Variants in VWCE observed in about 807,000 individuals in gnomAD.
VWCE encodes von Willebrand factor C and EGF domain-containing protein.
VWCE carries 68 observed loss-of-function variants against 102.9 expected under a neutral mutation model. That is an observed-to-expected ratio of 0.66 (90% CI 0.54 to 0.81). VWCE has a LOEUF of 0.81. VWCE is among the 30% of genes least tolerant of loss of function. The pLI is 0.00. For missense variants in VWCE, 1,137 were observed against 1,263.6 expected, an observed-to-expected ratio of 0.90 and a Z score of 1.52; for synonymous variants, 497 against 515.4, an observed-to-expected ratio of 0.96 and a Z score of 0.48.
At chr11:61,279,801 C>T (rs1490040827) in intron 9 of VWCE, among the ~76,000 whole-genome samples, 3 of 152,162 alleles carry the variant, frequency 2.0e-5, no homozygotes, top group Non-Finnish European at 4.4e-5. Context: ...ACATGGCTCA[C>T]TGCAGCCTCG....
rs190973465 is a variant in VWCE, at chr11:61,271,457, T to A, written c.1785+218A>T. 1,261 of 469,996 alleles carry A rather than the reference T, an allele frequency of 2.7e-3. 15 individuals are homozygous for A. The highest frequency in any genetic ancestry group is 0.023 in the African/African-American group (1,179 of 50,348). 29.1% of individuals were successfully genotyped at this position (469,996 alleles called of 1,614,324 possible). On this transcript the variant is annotated intron_variant, in intron 14 of 19. Coordinates refer to ENST00000335613, the MANE Select transcript of VWCE (RefSeq NM_152718.2). ...ACCGCACCTGGCCAACAATACACAC[T>A]TCTTAAGGCCAACTGCCAAGCACCA...
rs11230654 is a variant in VWCE at position 61,274,568 on chromosome 11, G to A, written c.1512C>T (p.His504=). 0.011 allele frequency: 17,866 copies of A among 1,613,782 alleles called. 908 individuals are homozygous for A. The African/African-American group carries it at 0.14, about 12-fold the overall frequency. ...CTCVPVRCYF[H]GRWYADGAVF... is the part of the protein sequence containing the mutation. ...CAGCCCCGTCTGCGTACCACCGGCC[G>A]TGGAAATAGCATCTCACTGCAGAGG... The change falls in exon 12 of 20, where the codon CAC becomes CAT. Residue 504 remains histidine, a synonymous_variant. Transcript: ENST00000335613.
chr11:61,293,755 G>A (rs1855586727), intron 1 of VWCE, among the ~76,000 whole-genome samples: 1 of 152,180 alleles, frequency 6.6e-6, no homozygotes, highest in Non-Finnish European at 1.5e-5. Context: ...CGTGTTCTTG[G>A]GGAGAAAAAT....
At chr11:61,276,409 CAA>C (rs562474115) in intron 11 of VWCE, among the ~76,000 whole-genome samples, 182 bp downstream of exon 11, 5 of 136,896 alleles carry the variant, frequency 3.7e-5, no homozygotes, top group Admixed American at 1.5e-4. Flanking sequence ...GTCTCCCTCT[CAA>C]AAAAAAAAAA....
In VWCE at chr11:61,258,882, C is replaced by T; in HGVS notation, c.2661G>A (p.Trp887Ter). The T allele has an allele frequency of 6.6e-7, 1 of 1,520,130 alleles. No individual in the cohort carries two copies. The highest frequency in any genetic ancestry group is 8.8e-7 in the Non-Finnish European group (1 of 1,136,256). 94.2% of individuals were successfully genotyped at this position (1,520,130 alleles called of 1,614,324 possible). Residue 887 changes from tryptophan to a stop codon, truncating the protein, a stop_gained, in exon 20 of 20, where the codon TGG becomes TGA. Transcript: ENST00000335613. LOFTEE classifies it low-confidence loss of function (END_TRUNC). ...TCAGGAGGGTGCCAGGCAGAGGAGGCCACCTGGACACTATCTGGGCCCCAG... is the reference window on the plus strand; with the variant it reads ...TCAGGAGGGTGCCAGGCAGAGGAGGTCACCTGGACACTATCTGGGCCCCAG... ...SASGAQIVSR[W>*]PPLPGTLLTE...
At chr11:61,263,088 C>T (rs766243566) in intron 19 of VWCE, among the ~76,000 whole-genome samples, 5 of 152,324 alleles carry the variant, frequency 3.3e-5, no homozygotes, top group South Asian at 2.1e-4. Flanking sequence ...GGGTGGATCA[C>T]TTGAGGTCAG....
chr11:61,258,947 G>A lies in VWCE; in HGVS notation c.2596C>T (p.Gln866Ter), dbSNP rs61729958. Reference protein sequence around the residue: ...TLPLASPGAPQPPPVTPERSF... With the variant: ...TLPLASPGAP ...CGCTCTGGAGTCACAGGAGGTGGCT[G>A]AGGAGCCCCTGGGGAAGCTAGAGGT... The change falls in exon 20 of 20, where the codon CAG (glutamine) becomes TAG (stop). Residue 866 changes from glutamine to a stop codon, truncating the protein, a stop_gained. Coordinates refer to ENST00000335613, the MANE Select transcript of VWCE (RefSeq NM_152718.2). LOFTEE classifies it low-confidence loss of function (END_TRUNC). The A allele has an allele frequency of 4.1e-5, 65 of 1,567,530 alleles. 1 individual carries two copies. The African/African-American group carries it at 8.1e-4, about 19-fold the overall frequency.
Position 61,265,166 on chromosome 11 carries a change from G to A in VWCE, c.2012C>T (p.Thr671Ile), listed in dbSNP as rs1413523223. 1.3e-6 allele frequency: 2 copies of A among 1,551,496 alleles called. No homozygotes were observed. Among genetic ancestry groups the A allele is most frequent in the East Asian group, 4.7e-5 (2 of 42,838 alleles). The change falls in exon 17 of 20, where the codon ACC becomes ATC. Residue 671 changes from threonine to isoleucine, a missense_variant. This residue lies in a region of VWCE where 29 missense variants were observed against 62.9 expected (regional missense o/e 0.46). Transcript: ENST00000335613. ...CTCCCCGTCAGGGTGGAAAGGGTAG[G>A]TACAGGTGATGGGGCAGTCCACGGG... Reference protein sequence around the residue: ...CSPVDCPITCTYPFHPDGECC... With the variant: ...CSPVDCPITCIYPFHPDGECC...
In VWCE at chr11:61,291,592, G is replaced by T. The variant is rs1001135449; in HGVS notation, c.111-16C>A. The T allele has an allele frequency of 1.7e-5, 24 of 1,427,904 alleles. No individual in the cohort carries two copies. The African/African-American group carries it at 2.9e-4, about 17-fold the overall frequency. The allele number at this position is 1,427,904 out of a possible 1,614,324, so 88.5% of individuals were successfully genotyped here. On this transcript the variant is annotated splice_polypyrimidine_tract_variant and intron_variant, in intron 1 of 19. Transcript: ENST00000335613. ...CAGTCGGCGTCTGCAAGAGAAGAGA[G>T]AGCACTTTCCTCATTCTATACTGGG...
chr11:61,279,974 ACCTCG>A (rs1855064318), intron 9 of VWCE, among the ~76,000 whole-genome samples: 2 of 152,134 alleles, frequency 1.3e-5, no homozygotes, highest in Non-Finnish European at 2.9e-5. Flanking sequence ...TGATCCGCCC[ACCTCG>A]GCCTCCCAAA....
In VWCE at chr11:61,291,472, A is replaced by AAGC. The variant is rs1330870389; in HGVS notation, c.205+7_205+9dup. On this transcript the variant is annotated intron_variant, in intron 2 of 19. Coordinates refer to ENST00000335613, the MANE Select transcript of VWCE (RefSeq NM_152718.2). The stretch of plus-strand genomic sequence containing the variant: ...AGGAGAAGACTTGGGGCACAGGGAC[A>AAGC]AGCACTTACGCAGGGTGCAGTGCCC... 1 of 1,557,392 alleles carries AAGC rather than the reference A, an allele frequency of 6.4e-7. No homozygotes were observed. The highest frequency in any genetic ancestry group is 1.2e-5 in the South Asian group (1 of 84,556).
rs527390681 is a variant in VWCE, at chr11:61,292,166, C to T, written c.111-590G>A. Among the ~76,000 whole-genome samples the T allele has an allele frequency of 3.2e-4, 49 of 151,492 alleles. No homozygotes were observed. In the East Asian group the frequency reaches 8.6e-3, roughly 27 times the overall value. On this transcript the variant is annotated intron_variant, in intron 1 of 19. Transcript: ENST00000335613. ...TGAGCCTGTGAGGCAGAGGTTGCAG[C>T]GAGCCAAGTTGGCGCCACTGCCCTT... is the stretch of plus-strand genomic sequence containing the variant.
intron 16 of VWCE, among the ~76,000 whole-genome samples, chr11:61,266,982 G>A (rs1854534243): frequency 1.3e-5 from 2 of 152,196 alleles, no homozygotes; most frequent in African/African-American, 4.8e-5. Context: ...TCTGGGCTGG[G>A]CATAGTGGCT....
rs373319444 is a variant in VWCE at position 61,276,686 on chromosome 11, G to T, written c.1408-6C>A. On this transcript the variant is annotated splice_region_variant and splice_polypyrimidine_tract_variant and intron_variant, in intron 10 of 19. Coordinates refer to ENST00000335613, the MANE Select transcript of VWCE (RefSeq NM_152718.2). ...ATGCAGGACACGTTTCCAGCCTGAG[G>T]AGGAGGCAAGAGAGGGCACTGGGGG... 3 of 1,594,074 alleles carry T rather than the reference G, an allele frequency of 1.9e-6. No homozygotes were observed. The highest frequency in any genetic ancestry group is 2.7e-5 in the African/African-American group (2 of 73,916).
chr11:61,264,883 G>A (rs1384731347), intron 18 of VWCE, 73 bp downstream of exon 18: 1 of 1,522,850 alleles, frequency 6.6e-7, no homozygotes, highest in Non-Finnish European at 9.0e-7. Flanking sequence ...AGGGCTCCAT[G>A]TTTTGCAAAG....
At chr11:61,292,640 G>A (rs1442754447) in intron 1 of VWCE, among the ~76,000 whole-genome samples, 3 of 152,174 alleles carry the variant, frequency 2.0e-5, no homozygotes, top group Non-Finnish European at 4.4e-5. Context: ...GAAAGGGCAG[G>A]AAGCCAGATG....
chr11:61,263,208 G>T (rs1170596238), intron 19 of VWCE, among the ~76,000 whole-genome samples: 1 of 151,858 alleles, frequency 6.6e-6, no homozygotes, highest in African/African-American at 2.4e-5. Context: ...TCAGGAGGCT[G>T]AGGCAAGAGA....
chr11:61,262,076 C>T (rs1290559788), intron 19 of VWCE, among the ~76,000 whole-genome samples: 1 of 152,128 alleles, frequency 6.6e-6, no homozygotes, highest in Non-Finnish European at 1.5e-5. Flanking sequence ...GCCTCAGCCT[C>T]CCAAATAGCT....
rs142773878 is a variant in VWCE at position 61,278,526 on chromosome 11, G to T, written c.1325-50C>A. 8.6e-5 allele frequency: 134 copies of T among 1,553,782 alleles called. No individual in the cohort carries two copies. The East Asian group carries it at 2.4e-3, about 28-fold the overall frequency. On this transcript the variant is annotated intron_variant, in intron 9 of 19. Transcript: ENST00000335613. ...AGGCATCAGACCTCTTCAAAGAAGA[G>T]GAAACTTGAGGTCTCGCTGCTTCTC...
Sources: allele counts gnomAD v4.1 joint callset (sites outside exome capture counted in the v4.1 genomes callset), GRCh38; gene constraint gnomAD v4.1.1; regional missense constraint gnomAD v4.1.1; transcripts MANE v1.5; gene names NCBI Gene and HGNC (gene_info 2026-07-23, HGNC 2026-07-21).